Variants in CDK11A observed in about 807,000 individuals in gnomAD.
CDK11A encodes cyclin dependent kinase 11A.
Under a neutral mutation model 83.6 loss-of-function variants are expected in CDK11A, and 55 were observed. That is an observed-to-expected ratio of 0.66 (90% CI 0.53 to 0.82). The LOEUF (loss-of-function observed/expected upper bound fraction) is 0.82, where lower values mean the gene tolerates loss of function less well. Among genes scored for constraint, CDK11A ranks in the 40% least tolerant of loss-of-function variants. CDK11A has a pLI of 0.00. For synonymous variants in CDK11A, 247 were observed against 302.7 expected, an observed-to-expected ratio of 0.82 and a Z score of 1.91; for missense variants, 564 against 810.1, an observed-to-expected ratio of 0.70 and a Z score of 3.69.
intron 11 of CDK11A, among the ~76,000 whole-genome samples, chr1:1,706,865 C>G (rs1644332737): frequency 6.7e-6 from 1 of 149,670 alleles, no homozygotes. Context: ...GGGCCGAGTC[C>G]CTGCCGGTCT....
At chr1:1,718,136 T>C (rs1266580671) in intron 4 of CDK11A, among the ~76,000 whole-genome samples, 21 of 140,084 alleles carry the variant, frequency 1.5e-4, no homozygotes, top group Non-Finnish European at 2.6e-4. Flanking sequence ...GACACACGCA[T>C]GCTTTCAGCT....
chr1:1,715,636 G>A (rs1024433127), intron 5 of CDK11A, among the ~76,000 whole-genome samples: 4 of 150,568 alleles, frequency 2.7e-5, no homozygotes, highest in African/African-American at 9.7e-5. Context: ...TTTACATGCT[G>A]TGTACCCAGC....
intron 5 of CDK11A, among the ~76,000 whole-genome samples, chr1:1,714,647 C>T (rs1432314331): frequency 1.8e-5 from 2 of 108,846 alleles, no homozygotes; most frequent in Non-Finnish European, 4.3e-5. Flanking sequence ...GGCTGCACAG[C>T]TTAGCAATTA....
In CDK11A at chr1:1,704,933, C is replaced by A; in HGVS notation, c.1429G>T (p.Ala477Ser). The A allele has an allele frequency of 6.3e-7, 1 of 1,595,672 alleles. No homozygotes were observed. Among genetic ancestry groups the A allele is most frequent in the East Asian group, 2.3e-5 (1 of 44,310 alleles). ...ACGGTGACAATGTTGGGATGCTGGG[C>A]CTTGAGGATGGTGTTGATCTCCCTC... Reference protein sequence around the residue: ...SLREINTILKAQHPNIVTVRE... With the variant: ...SLREINTILKSQHPNIVTVRE... The change falls in exon 13 of 20, where the codon GCC becomes TCC. Residue 477 changes from alanine to serine, a missense_variant. Around this residue, in one of 5 missense-constraint regions of CDK11A, gnomAD observed 361 missense variants for 402.7 expected, o/e 0.90. Transcript: ENST00000404249.
At position 1,702,619 on chromosome 1, in the gene CDK11A, G is replaced by A. The variant is rs1194138039; in HGVS notation, c.*288C>T. On this transcript the variant is annotated 3_prime_UTR_variant, in exon 20 of 20. Transcript: ENST00000404249. ...TCCCACCAGTTCCTTTCCAAATCAC[G>A]GCCCAGCCAGCCCCGTGCGTGTCGA... is the stretch of plus-strand genomic sequence containing the variant. 7 of 465,822 alleles carry A rather than the reference G, an allele frequency of 1.5e-5. No individual in the cohort carries two copies. Among genetic ancestry groups the A allele is most frequent in the African/African-American group, 5.9e-5 (3 of 51,260 alleles). The allele number at this position is 465,822 out of a possible 1,614,324, so 28.9% of individuals were successfully genotyped here.
rs752555902 is a variant in CDK11A, at chr1:1,721,567, G to C, written c.227+29C>G. The C allele has an allele frequency of 1.9e-6, 3 of 1,597,854 alleles. 1 individual carries two copies. The highest frequency in any genetic ancestry group is 3.3e-4 in the Middle Eastern group (2 of 5,988). On this transcript the variant is annotated intron_variant, in intron 3 of 19. Coordinates refer to ENST00000404249, the MANE Select transcript of CDK11A (RefSeq NM_024011.4). ...GGCCAGGCCAGGGCTGTGTACAGTT[G>C]GGTCTTGCACATCTGTACATCCGCT...
At position 1,704,303 on chromosome 1, in the gene CDK11A, T is replaced by G. The variant is rs754154891; in HGVS notation, c.1606A>C (p.Lys536Gln). ...TLMIQLLRGV[K>Q]HLHDNWILHR... ...AGGATCCAGTTGTCGTGCAGGTGTT[T>G]CACCCCCCGCAGCAGCTGGATCATC... Residue 536 changes from lysine to glutamine, a missense_variant, in exon 15 of 20, where the codon AAA becomes CAA. By Grantham distance (53) the Lys-to-Gln change is moderately conservative. Transcript: ENST00000404249. The G allele has an allele frequency of 2.5e-6, 4 of 1,607,410 alleles. 1 individual carries two copies. The highest frequency in any genetic ancestry group is 3.4e-6 in the Non-Finnish European group (4 of 1,176,054).
rs1137005 is a variant in CDK11A, at chr1:1,719,368, T to C, written c.315A>G (p.Arg105=). The C allele has an allele frequency of 0.9, 1,370,664 of 1,530,532 alleles. 623,648 individuals are homozygous for C. The highest frequency in any genetic ancestry group is 0.93 in the Non-Finnish European group (1,066,836 of 1,143,076). 94.8% of individuals were successfully genotyped at this position (1,530,532 alleles called of 1,614,324 possible). The stretch of plus-strand genomic sequence containing the variant: ...GGCTATGATGCCTACATTTTTCTTT[T>C]CTCTTTTCATCTTTTCTGTGATGAA... ...EKVHHRKDEK[R]KEKCRHHSHS... The change falls in exon 4 of 20, where the codon AGA becomes AGG. Residue 105 remains arginine, a synonymous_variant. Transcript: ENST00000404249.
In CDK11A at chr1:1,703,855, G is replaced by T. The variant is rs757293035; in HGVS notation, c.1880C>A (p.Ser627Ter). ...LTQKPLFPGN[S>*]EIDQINKVFK... ...CACTTTGTTGATCTGATCGATTTCC[G>T]AATTCCCGGGGAACAGAGGCTTCTG... The change falls in exon 17 of 20, where the codon TCG (serine) becomes TAG (stop). Residue 627 changes from serine to a stop codon, truncating the protein, a stop_gained. Coordinates refer to ENST00000404249, the MANE Select transcript of CDK11A (RefSeq NM_024011.4). LOFTEE classifies it high-confidence loss of function. The T allele has an allele frequency of 3.7e-6, 6 of 1,609,662 alleles. 1 individual carries two copies. Among genetic ancestry groups the T allele is most frequent in the Non-Finnish European group, 5.1e-6 (6 of 1,176,998 alleles).
rs1644124563 is a variant in CDK11A, at chr1:1,702,478, G to A, written c.*429C>T. On this transcript the variant is annotated 3_prime_UTR_variant, in exon 20 of 20. Coordinates refer to ENST00000404249, the MANE Select transcript of CDK11A (RefSeq NM_024011.4). ...GCACAGCTGGGGCTGGGGGTTGGGGGCCGGGGGCCTGTGTGGACAGGGCTG... is the reference window on the plus strand; with the variant it reads ...GCACAGCTGGGGCTGGGGGTTGGGGACCGGGGGCCTGTGTGGACAGGGCTG... Among the ~76,000 whole-genome samples, 1 of 120,588 alleles carries A rather than the reference G, an allele frequency of 8.3e-6. No homozygotes were observed. Among genetic ancestry groups the A allele is most frequent in the African/African-American group, 2.8e-5 (1 of 35,278 alleles). 79.1% of individuals were successfully genotyped at this position (120,588 alleles called of 152,430 possible). A position where few individuals can be genotyped will look rare whatever the true frequency, so the allele number is the denominator to read the frequency against.
intron 4 of CDK11A, among the ~76,000 whole-genome samples, chr1:1,717,904 C>T (rs36141764): frequency 2.0e-5 from 3 of 149,450 alleles, no homozygotes; most frequent in African/African-American, 2.5e-5. Context: ...CTCTGGTTTT[C>T]AGTCTGTGAC....
chr1:1,703,630 A>G lies in CDK11A; in HGVS notation c.1912-6T>C. 1 of 1,593,620 alleles carries G rather than the reference A, an allele frequency of 6.3e-7. No homozygotes were observed. The highest frequency in any genetic ancestry group is 2.3e-5 in the East Asian group (1 of 43,974). On this transcript the variant is annotated splice_polypyrimidine_tract_variant and splice_region_variant and intron_variant, in intron 17 of 19. Coordinates refer to ENST00000404249, the MANE Select transcript of CDK11A (RefSeq NM_024011.4). Reference sequence around the variant, plus strand: ...TCACTGGGGGTCCCCAGCTCCTGAAAGACAGAGGTGCTTCAACAGCCACAC... The same window carrying G: ...TCACTGGGGGTCCCCAGCTCCTGAAGGACAGAGGTGCTTCAACAGCCACAC...
In CDK11A at chr1:1,703,459, G is replaced by A. The variant is rs752110360; in HGVS notation, c.2060+17C>T. On this transcript the variant is annotated intron_variant, in intron 18 of 19. Transcript: ENST00000404249. ...TATGGCTCGGGACCTCCCGCCACCC[G>A]GCTGCACTGGGCTCACTTGTTCATG... 52 of 1,487,052 alleles carry A rather than the reference G, an allele frequency of 3.5e-5. 3 individuals are homozygous for A. Among genetic ancestry groups the A allele is most frequent in the East Asian group, 1.3e-4 (5 of 39,676 alleles). The allele number at this position is 1,487,052 out of a possible 1,614,324, so 92.1% of individuals were successfully genotyped here.
chr1:1,704,158 G>A lies in CDK11A; in HGVS notation c.1687-12C>T. 1 of 1,607,120 alleles carries A rather than the reference G, an allele frequency of 6.2e-7. No individual in the cohort carries two copies. The highest frequency in any genetic ancestry group is 8.5e-7 in the Non-Finnish European group (1 of 1,175,902). On this transcript the variant is annotated splice_polypyrimidine_tract_variant and intron_variant, in intron 15 of 19. Transcript: ENST00000404249. Reference sequence around the variant, plus strand: ...CCAAAATCACCCACCTGCAACGACAGATGGGCGGCTGTGGGTGGGCCTGGG... The same window carrying A: ...CCAAAATCACCCACCTGCAACGACAAATGGGCGGCTGTGGGTGGGCCTGGG...
chr1:1,704,200 G>T (rs755102406), intron 15 of CDK11A, 23 bp downstream of exon 15: 1 of 1,608,278 alleles, frequency 6.2e-7, no homozygotes, highest in Non-Finnish European at 8.5e-7. Flanking sequence ...ACCCTGGGAT[G>T]GGCCACTCGG....
At chr1:1,719,517 T>A in intron 3 of CDK11A, 62 bp from the exon 4 acceptor site, 1 of 1,313,426 alleles carries the variant, frequency 7.6e-7, no homozygotes, top group Non-Finnish European at 9.9e-7. Context: ...CATCAGGCTA[T>A]TATGAGGTTT....
intron 5 of CDK11A, among the ~76,000 whole-genome samples, chr1:1,715,849 G>A (rs1444215810): frequency 5.3e-5 from 8 of 150,986 alleles, no homozygotes; most frequent in Non-Finnish European, 1.2e-4. Context: ...TCATAAAGGG[G>A]AACGAATATA....
intron 13 of CDK11A, 21 bp downstream of exon 13, chr1:1,704,883 G>A: frequency 6.2e-7 from 1 of 1,606,468 alleles, no homozygotes; most frequent in Non-Finnish European, 8.5e-7. Context: ...CCGGGGCCAG[G>A]CGTGGTGGGG....
chr1:1,724,218 C>T (rs923769905), intron 1 of CDK11A, 40 bp downstream of exon 1: 4 of 151,476 alleles, frequency 2.6e-5, no homozygotes, highest in Non-Finnish European at 5.9e-5. Context: ...GCGCAGTTCT[C>T]GTCGCGCTCC....
Sources: gnomAD v4.1 joint callset for allele counts (sites outside exome capture counted in the v4.1 genomes callset) on GRCh38, gnomAD v4.1.1 for gene constraint, gnomAD v4.1.1 regional missense constraint, MANE v1.5 for transcripts, NCBI Gene and HGNC (gene_info 2026-07-23, HGNC 2026-07-21) for gene names.